Variants in VEPH1 observed in about 807,000 individuals in gnomAD.
The protein encoded by VEPH1 is ventricular zone-expressed PH domain-containing protein homolog 1.
In VEPH1, 80 loss-of-function variants were observed where a neutral mutation model predicts 85.2. The ratio of observed to expected loss-of-function variants is 0.94; its 90% CI spans 0.78 to 1.13. The LOEUF (loss-of-function observed/expected upper bound fraction) is 1.13, where lower values mean the gene tolerates loss of function less well. Ranked by LOEUF, VEPH1 falls within the 50% of genes most tolerant of loss-of-function variation. The pLI, the probability that VEPH1 is intolerant of heterozygous loss-of-function variation, is 0.00. For missense variants in VEPH1, 955 were observed against 980.5 expected (o/e 0.97, Z 0.35); for synonymous variants, 297 against 348.0 (o/e 0.85, Z 1.63).
At position 157,502,104 on chromosome 3, in the gene VEPH1, C is replaced by G. The variant is rs79557851; in HGVS notation, c.-158+1173G>C. 5.1e-3 allele frequency among the ~76,000 whole-genome samples: 772 copies of G among 152,278 alleles called. 22 individuals carry two copies. In the East Asian group the frequency reaches 0.074, roughly 15 times the overall value. On this transcript the variant is annotated intron_variant, in intron 1 of 13. Transcript: ENST00000362010. ...TGTCTCTGGGCTTCCTTGGCTGTGGCGTGCTGCTACACTTCACTTCTACTG... is the reference window on the plus strand; with the variant it reads ...TGTCTCTGGGCTTCCTTGGCTGTGGGGTGCTGCTACACTTCACTTCTACTG...
At chr3:157,416,763 A>G (rs1236001220) in intron 5 of VEPH1, among the ~76,000 whole-genome samples, 3 of 152,082 alleles carry the variant, frequency 2.0e-5, no homozygotes, top group Non-Finnish European at 2.9e-5. Context: ...AAAAGGAAAG[A>G]AAAAGAAAAA....
intron 9 of VEPH1, 141 bp downstream of exon 9, chr3:157,363,222 AC>A: frequency 2.6e-6 from 2 of 775,890 alleles, no homozygotes; most frequent in Non-Finnish European, 3.8e-6. Flanking sequence ...AAAAAAACTA[AC>A]ATAATGTAAG....
At chr3:157,390,730 T>C (rs925570122) in intron 6 of VEPH1, among the ~76,000 whole-genome samples, 1 of 152,164 alleles carries the variant, frequency 6.6e-6, no homozygotes, top group African/African-American at 2.4e-5. Context: ...ATCTGGCTGA[T>C]AAAAGCTGAA....
At chr3:157,421,304 G>A (rs73028043) in intron 5 of VEPH1, among the ~76,000 whole-genome samples, 3,908 of 152,132 alleles carry the variant, frequency 0.026, 186 homozygotes, top group African/African-American at 0.09. Flanking sequence ...TGCTATCCCA[G>A]GTCACAGAAG....
intron 9 of VEPH1, among the ~76,000 whole-genome samples, chr3:157,341,609 T>C (rs867714996): frequency 5.3e-5 from 8 of 152,180 alleles, no homozygotes; most frequent in Non-Finnish European, 7.3e-5. Flanking sequence ...CTTCAGGATA[T>C]TATCCAGGAG....
At chr3:157,318,246 T>C (rs1720962068) in intron 9 of VEPH1, among the ~76,000 whole-genome samples, 2 of 152,124 alleles carry the variant, frequency 1.3e-5, no homozygotes, top group South Asian at 4.1e-4. Flanking sequence ...ATCTGTAGAG[T>C]CATACTGATA....
chr3:157,469,655 A>T (rs1267996601), intron 3 of VEPH1, among the ~76,000 whole-genome samples: 4 of 152,226 alleles, frequency 2.6e-5, no homozygotes, highest in Non-Finnish European at 5.9e-5. Context: ...AGAAACACCT[A>T]TCAACATCTC....
intron 6 of VEPH1, among the ~76,000 whole-genome samples, chr3:157,384,713 C>T (rs1729109056): frequency 6.6e-6 from 1 of 152,220 alleles, no homozygotes; most frequent in Admixed American, 6.5e-5. Flanking sequence ...AAGCCAACCT[C>T]ACATCATTTG....
chr3:157,402,455 A>C (rs1455605646), intron 6 of VEPH1, among the ~76,000 whole-genome samples: 1 of 152,210 alleles, frequency 6.6e-6, no homozygotes, highest in Admixed American at 6.5e-5. Context: ...AGCAGAAGGC[A>C]GCAGAAGGAA....
intron 4 of VEPH1, among the ~76,000 whole-genome samples, chr3:157,449,666 CT>C (rs1398670486): frequency 6.6e-6 from 1 of 152,182 alleles, no homozygotes; most frequent in African/African-American, 2.4e-5. Context: ...TCTTGGCTAT[CT>C]GTTTCACTTT....
chr3:157,337,507 G>A (rs76452299), intron 9 of VEPH1, among the ~76,000 whole-genome samples: 3 of 151,786 alleles, frequency 2.0e-5, no homozygotes, highest in Admixed American at 6.6e-5. Context: ...TGCTCCATAA[G>A]GTCAAAATAT....
chr3:157,357,712 C>T (rs1012818335), intron 9 of VEPH1, among the ~76,000 whole-genome samples: 4 of 152,084 alleles, frequency 2.6e-5, no homozygotes, highest in African/African-American at 7.2e-5. Flanking sequence ...AGGCTAGTCT[C>T]GAACTCCTGA....
intron 1 of VEPH1, among the ~76,000 whole-genome samples, chr3:157,500,347 A>G (rs1464609130): frequency 6.6e-6 from 1 of 152,180 alleles, no homozygotes; most frequent in Non-Finnish European, 1.5e-5. Flanking sequence ...ACTTCTGGCA[A>G]TGTGTACAGG....
At chr3:157,360,101 A>G (rs992000673) in intron 9 of VEPH1, among the ~76,000 whole-genome samples, 20 of 152,332 alleles carry the variant, frequency 1.3e-4, no homozygotes, top group African/African-American at 4.6e-4. Flanking sequence ...TTTAAATAAG[A>G]TTTTAAGGAA....
chr3:157,369,773 C>A (rs1002954469), intron 7 of VEPH1, among the ~76,000 whole-genome samples: 10 of 151,972 alleles, frequency 6.6e-5, no homozygotes, highest in African/African-American at 2.4e-4. Context: ...GTATTTTGTT[C>A]GAAACAAAGT....
At chr3:157,311,262 T>C (rs955687016) in intron 11 of VEPH1, among the ~76,000 whole-genome samples, 1 of 152,244 alleles carries the variant, frequency 6.6e-6, no homozygotes, top group Admixed American at 6.5e-5. Context: ...CAGAATGTTA[T>C]ATTCTAGATA....
chr3:157,394,248 A>G (rs1404998080), intron 6 of VEPH1, among the ~76,000 whole-genome samples: 3 of 152,220 alleles, frequency 2.0e-5, no homozygotes, highest in African/African-American at 4.8e-5. Flanking sequence ...CCTTCGAGGA[A>G]TGAAAAGGTA....
chr3:157,497,733 C>T (rs774635286), intron 1 of VEPH1, among the ~76,000 whole-genome samples: 1 of 152,164 alleles, frequency 6.6e-6, no homozygotes, highest in Non-Finnish European at 1.5e-5. Context: ...CTGCACACTC[C>T]ACATTTACAT....
chr3:157,261,512 T>C, intron 13 of VEPH1, 142 bp from the exon 14 acceptor site: 1 of 1,311,340 alleles, frequency 7.6e-7, no homozygotes, highest in Non-Finnish European at 1.0e-6. Flanking sequence ...TGCTAAGGCC[T>C]CAGAATCATT....
Sources: allele counts gnomAD v4.1 joint callset (sites outside exome capture counted in the v4.1 genomes callset), GRCh38; gene constraint gnomAD v4.1.1; transcripts MANE v1.5; gene names NCBI Gene and HGNC (gene_info 2026-07-23, HGNC 2026-07-21).